Variants in DAD1 observed in about 807,000 individuals in gnomAD.
DAD1 encodes defender against cell death 1.
In DAD1, 4 loss-of-function variants were observed where a neutral mutation model predicts 9.0. The observed-to-expected ratio is 0.44, with a 90% CI of 0.22 to 1.01. The LOEUF (loss-of-function observed/expected upper bound fraction) is 1.01, where lower values mean the gene tolerates loss of function less well. Among genes scored for constraint, DAD1 ranks in the 50% least tolerant of loss-of-function variants. DAD1 has a pLI of 0.24. For missense variants in DAD1, 119 were observed against 137.3 expected (o/e 0.87, Z 0.67); for synonymous variants, 60 against 62.5 (o/e 0.96, Z 0.19).
At chr14:22,569,464 C>T (rs1594879567) in intron 2 of DAD1, among the ~76,000 whole-genome samples, 2 of 151,530 alleles carry the variant, frequency 1.3e-5, no homozygotes, top group African/African-American at 4.8e-5. Flanking sequence ...TTCATTCATA[C>T]ACTCATTCAA....
At chr14:22,571,715 C>A (rs199497672) in intron 2 of DAD1, among the ~76,000 whole-genome samples, 8 of 150,942 alleles carry the variant, frequency 5.3e-5, no homozygotes, top group East Asian at 3.9e-4. Flanking sequence ...CTGCAACCTC[C>A]GCCTCATGGG....
intron 2 of DAD1, among the ~76,000 whole-genome samples, chr14:22,570,189 C>T (rs2037028741): frequency 6.6e-6 from 1 of 151,868 alleles, no homozygotes; most frequent in South Asian, 2.1e-4. Context: ...AAGATTATTG[C>T]GTGGGAGGTC....
At chr14:22,572,687 C>T (rs2037049575) in intron 2 of DAD1, among the ~76,000 whole-genome samples, 1 of 152,170 alleles carries the variant, frequency 6.6e-6, no homozygotes, top group Non-Finnish European at 1.5e-5. Context: ...AGTCTTCCTC[C>T]AATCATGACA....
intron 2 of DAD1, among the ~76,000 whole-genome samples, chr14:22,573,640 G>T (rs2037057362): frequency 6.7e-6 from 1 of 149,536 alleles, no homozygotes; most frequent in Non-Finnish European, 1.5e-5. Context: ...AACTCGGGAG[G>T]CGGAGTCTGC....
chr14:22,575,704 T>G (rs999367119), intron 1 of DAD1, among the ~76,000 whole-genome samples: 1 of 152,122 alleles, frequency 6.6e-6, no homozygotes, highest in Non-Finnish European at 1.5e-5. Flanking sequence ...TGCGCCACCA[T>G]GCCCGGCTAA....
At chr14:22,576,981 C>G (rs1219168116) in intron 1 of DAD1, among the ~76,000 whole-genome samples, 1 of 152,160 alleles carries the variant, frequency 6.6e-6, no homozygotes, top group African/African-American at 2.4e-5. Context: ...GGCAAGAATG[C>G]AGAGAAACTG....
At chr14:22,568,657 C>G (rs1300180379) in intron 2 of DAD1, among the ~76,000 whole-genome samples, 1 of 151,100 alleles carries the variant, frequency 6.6e-6, no homozygotes, top group African/African-American at 2.4e-5. Flanking sequence ...GTCCATTCAA[C>G]TAGTTAACAG....
At chr14:22,572,398 G>C (rs2037047543) in intron 2 of DAD1, among the ~76,000 whole-genome samples, 1 of 152,138 alleles carries the variant, frequency 6.6e-6, no homozygotes, top group South Asian at 2.1e-4. Context: ...TAAAAACTGA[G>C]AGCAGGACAG....
At chr14:22,586,022 C>A (rs888750138) in intron 1 of DAD1, among the ~76,000 whole-genome samples, 1 of 151,846 alleles carries the variant, frequency 6.6e-6, no homozygotes, top group Non-Finnish European at 1.5e-5. Context: ...CTGGCTAACA[C>A]GATGAAACCC....
intron 1 of DAD1, among the ~76,000 whole-genome samples, chr14:22,578,900 C>G (rs2037096598): frequency 6.6e-6 from 1 of 152,178 alleles, no homozygotes; most frequent in African/African-American, 2.4e-5. Context: ...GCTCTCTTAT[C>G]TGCTGATTTA....
intron 1 of DAD1, among the ~76,000 whole-genome samples, chr14:22,588,423 A>T (rs1197820433): frequency 2.6e-5 from 4 of 152,246 alleles, no homozygotes; most frequent in Non-Finnish European, 5.9e-5. Flanking sequence ...TGGGTTCAGG[A>T]CAGTGAAATA....
intron 1 of DAD1, among the ~76,000 whole-genome samples, chr14:22,583,840 T>G (rs1334631017): frequency 1.3e-5 from 2 of 152,108 alleles, no homozygotes; most frequent in African/African-American, 2.4e-5. Flanking sequence ...TGATCTGTTA[T>G]GATTCAGTGG....
At position 22,571,716 on chromosome 14, in the gene DAD1, G is replaced by A. The variant is rs1259120336; in HGVS notation, c.*44+3343C>T. On this transcript the variant is annotated intron_variant, in intron 2 of 2. Transcript: ENST00000250498. ...GCAATTCGGGCTCACTGCAACCTCC[G>A]CCTCATGGGTTCAAACGATTCTCCT... Among the ~76,000 whole-genome samples, 13 of 140,038 alleles carry A rather than the reference G, an allele frequency of 9.3e-5. No individual in the cohort carries two copies. The South Asian group carries it at 2.4e-3, about 26-fold the overall frequency. 91.9% of individuals were successfully genotyped at this position (140,038 alleles called of 152,430 possible).
intron 2 of DAD1, among the ~76,000 whole-genome samples, chr14:22,571,008 A>ATT (rs59314743): frequency 1.1e-3 from 161 of 145,728 alleles, no homozygotes; most frequent in Middle Eastern, 3.5e-3. Context: ...ATGGACTGAG[A>ATT]TTTTTTTTTT....
At chr14:22,588,722 G>A (rs2139250591) in intron 1 of DAD1, among the ~76,000 whole-genome samples, 1 of 152,314 alleles carries the variant, frequency 6.6e-6, no homozygotes, top group Non-Finnish European at 1.5e-5. Context: ...GTAGCGGCAC[G>A]AAGGTGGTTT....
At chr14:22,587,483 G>C (rs1056048134) in intron 1 of DAD1, among the ~76,000 whole-genome samples, 1 of 152,118 alleles carries the variant, frequency 6.6e-6, no homozygotes, top group African/African-American at 2.4e-5. Context: ...TAGTGTATCT[G>C]GTCGGATGAT....
chr14:22,580,408 C>T (rs901485612), intron 1 of DAD1, among the ~76,000 whole-genome samples: 2 of 150,022 alleles, frequency 1.3e-5, no homozygotes, highest in Non-Finnish European at 3.0e-5. Context: ...GCCTGGGAGA[C>T]AAATCAAGAC....
At chr14:22,578,396 C>G (rs1455243643) in intron 1 of DAD1, among the ~76,000 whole-genome samples, 1 of 152,122 alleles carries the variant, frequency 6.6e-6, no homozygotes, top group Non-Finnish European at 1.5e-5. Flanking sequence ...GAAACCCCAT[C>G]TCTAATAAAA....
chr14:22,587,948 C>A lies in DAD1; in HGVS notation c.211+999G>T, dbSNP rs143757228. Among the ~76,000 whole-genome samples the A allele has an allele frequency of 7.6e-3, 1,163 of 152,284 alleles. 7 individuals are homozygous for A. Among genetic ancestry groups the A allele is most frequent in the Non-Finnish European group, 0.012 (845 of 68,030 alleles). ...ATGGGGTTTCACCATGTTGGCCAGGCTGGTCTTGAACTCCTGACCTCAAGT... is the reference window on the plus strand; with the variant it reads ...ATGGGGTTTCACCATGTTGGCCAGGATGGTCTTGAACTCCTGACCTCAAGT... On this transcript the variant is annotated intron_variant, in intron 1 of 2. Transcript: ENST00000250498.
Sources: allele counts gnomAD v4.1 joint callset (sites outside exome capture counted in the v4.1 genomes callset), GRCh38; gene constraint gnomAD v4.1.1; transcripts MANE v1.5; gene names NCBI Gene and HGNC (gene_info 2026-07-23, HGNC 2026-07-21).